The following HS6ST3 variants were observed in gnomAD, a reference collection of about 807,000 sequenced individuals.
HS6ST3 encodes heparan sulfate 6-O-sulfotransferase 3.
A neutral mutation model predicts 36.7 loss-of-function variants in HS6ST3; 12 were observed. The ratio of observed to expected loss-of-function variants is 0.33; its 90% CI spans 0.21 to 0.53. HS6ST3 has a LOEUF of 0.53. Among genes scored for constraint, HS6ST3 ranks in the 20% least tolerant of loss-of-function variants. The probability of loss-of-function intolerance (pLI) is 0.95; values close to 1 mark genes in which losing one functional copy is unlikely to be tolerated. For missense variants in HS6ST3, 584 were observed against 640.9 expected (o/e 0.91, Z 0.96); for synonymous variants, 240 against 257.5 (o/e 0.93, Z 0.65).
chr13:96,475,227 C>T (rs373144057), intron 1 of HS6ST3, among the ~76,000 whole-genome samples: 3 of 152,248 alleles, frequency 2.0e-5, no homozygotes, highest in East Asian at 3.9e-4. Flanking sequence ...CTACCTTTCT[C>T]GTTTTGGATC....
At chr13:96,240,380 G>C (rs955083540) in intron 1 of HS6ST3, among the ~76,000 whole-genome samples, 1 of 152,128 alleles carries the variant, frequency 6.6e-6, no homozygotes, top group African/African-American at 2.4e-5. Context: ...AGTTAGACAA[G>C]AGAAATAAGC....
intron 1 of HS6ST3, among the ~76,000 whole-genome samples, chr13:96,384,205 G>T (rs1350047366): frequency 6.6e-6 from 1 of 151,714 alleles, no homozygotes; most frequent in African/African-American, 2.4e-5. Context: ...AGGTGTCCTT[G>T]GTCTTTCAGA....
At chr13:96,290,657 G>C (rs549744700) in intron 1 of HS6ST3, among the ~76,000 whole-genome samples, 1 of 152,250 alleles carries the variant, frequency 6.6e-6, no homozygotes, top group Admixed American at 6.5e-5. Flanking sequence ...TCTTCCCACT[G>C]TCAGTCTATT....
At chr13:96,120,784 T>G (rs1211770779) in intron 1 of HS6ST3, among the ~76,000 whole-genome samples, 1 of 152,204 alleles carries the variant, frequency 6.6e-6, no homozygotes, top group Non-Finnish European at 1.5e-5. Flanking sequence ...AGAACCGTTA[T>G]CCGCTCTGAC....
At position 96,403,486 on chromosome 13, in the gene HS6ST3, G is replaced by T. The variant is rs185512055; in HGVS notation, c.707+311917G>T. On this transcript the variant is annotated intron_variant, in intron 1 of 1. Coordinates refer to ENST00000376705, the MANE Select transcript of HS6ST3 (RefSeq NM_153456.4). ...TCATCATTTGCAGATGCTGCATATG[G>T]TATCTCCAGTAACTCAGATCCCACA... Among the ~76,000 whole-genome samples the T allele has an allele frequency of 3.3e-5, 5 of 152,158 alleles. No homozygotes were observed. In the East Asian group the frequency reaches 7.7e-4, roughly 23 times the overall value.
intron 1 of HS6ST3, among the ~76,000 whole-genome samples, chr13:96,674,060 TA>T (rs2056690973): frequency 6.6e-6 from 1 of 152,184 alleles, no homozygotes; most frequent in South Asian, 2.1e-4. Flanking sequence ...TTTGTATCCC[TA>T]CCCAATCTTG....
intron 1 of HS6ST3, among the ~76,000 whole-genome samples, chr13:96,126,689 A>G (rs2053953623): frequency 6.6e-6 from 1 of 152,042 alleles, no homozygotes; most frequent in African/African-American, 2.4e-5. Context: ...GTGATTGGCT[A>G]TCTCTTGGAA....
intron 1 of HS6ST3, among the ~76,000 whole-genome samples, chr13:96,199,140 C>A (rs192527197): frequency 3.3e-5 from 5 of 152,294 alleles, no homozygotes; most frequent in African/African-American, 1.2e-4. Flanking sequence ...CCCCATGATG[C>A]AGTTACCTCC....
At chr13:96,758,316 G>T (rs1224325023) in intron 1 of HS6ST3, among the ~76,000 whole-genome samples, 1 of 151,684 alleles carries the variant, frequency 6.6e-6, no homozygotes, top group African/African-American at 2.4e-5. Context: ...CTTTTTCCAT[G>T]ATTGATGCTG....
intron 1 of HS6ST3, among the ~76,000 whole-genome samples, chr13:96,171,175 T>C (rs1487526532): frequency 6.6e-6 from 1 of 152,222 alleles, no homozygotes; most frequent in Admixed American, 6.5e-5. Flanking sequence ...TGAATATTAT[T>C]TTAAAAATAT....
intron 1 of HS6ST3, among the ~76,000 whole-genome samples, chr13:96,377,907 CAG>C (rs1387642014): frequency 1.3e-5 from 2 of 152,072 alleles, no homozygotes; most frequent in Non-Finnish European, 2.9e-5. Flanking sequence ...GTTGGGGTAA[CAG>C]AAAGAGGGAT....
intron 1 of HS6ST3, among the ~76,000 whole-genome samples, chr13:96,122,488 T>C (rs2053930717): frequency 6.6e-6 from 1 of 152,216 alleles, no homozygotes; most frequent in African/African-American, 2.4e-5. Context: ...GCTCACATTG[T>C]TGTATAGGAA....
At chr13:96,119,389 A>T (rs984316136) in intron 1 of HS6ST3, among the ~76,000 whole-genome samples, 1 of 152,174 alleles carries the variant, frequency 6.6e-6, no homozygotes, top group African/African-American at 2.4e-5. Context: ...TGATTATAGT[A>T]TCTCTTTATT....
intron 1 of HS6ST3, among the ~76,000 whole-genome samples, chr13:96,614,926 C>T (rs933309901): frequency 1.3e-5 from 2 of 152,144 alleles, no homozygotes; most frequent in East Asian, 1.9e-4. Flanking sequence ...CTATTCTTAA[C>T]ATTTATTTAT....
chr13:96,477,940 C>T (rs2055871971), intron 1 of HS6ST3, among the ~76,000 whole-genome samples: 4 of 151,974 alleles, frequency 2.6e-5, no homozygotes, highest in Non-Finnish European at 4.4e-5. Flanking sequence ...TCCACACATA[C>T]ACACAAAAAA....
At chr13:96,423,778 G>A (rs1454217992) in intron 1 of HS6ST3, among the ~76,000 whole-genome samples, 3 of 152,030 alleles carry the variant, frequency 2.0e-5, no homozygotes, top group Non-Finnish European at 4.4e-5. Context: ...AGGTTTTAGA[G>A]GGATCAGTCT....
intron 1 of HS6ST3, among the ~76,000 whole-genome samples, chr13:96,800,134 T>A (rs1282042684): frequency 6.7e-6 from 1 of 150,298 alleles, no homozygotes; most frequent in Non-Finnish European, 1.5e-5. Context: ...TGTTCTCATA[T>A]AATTTGATTT....
chr13:96,427,625 T>C (rs1206777118), intron 1 of HS6ST3, among the ~76,000 whole-genome samples: 1 of 152,186 alleles, frequency 6.6e-6, no homozygotes, highest in African/African-American at 2.4e-5. Context: ...AGTTTTTGTA[T>C]ATCCTTTATT....
intron 1 of HS6ST3, among the ~76,000 whole-genome samples, chr13:96,208,943 T>G (rs1010360865): frequency 1.3e-5 from 2 of 152,182 alleles, no homozygotes; most frequent in African/African-American, 4.8e-5. Context: ...CACCTTTTTT[T>G]GGGAAGAGAA....
Sources: gnomAD v4.1 joint callset for allele counts (sites outside exome capture counted in the v4.1 genomes callset) on GRCh38, gnomAD v4.1.1 for gene constraint, MANE v1.5 for transcripts, NCBI Gene and HGNC (gene_info 2026-07-23, HGNC 2026-07-21) for gene names.